The following ZNF169 variants were observed in gnomAD, a reference collection of about 807,000 sequenced individuals.
ZNF169 encodes zinc finger protein 169.
In ZNF169, 11 loss-of-function variants were observed where a neutral mutation model predicts 12.0. The ratio of observed to expected loss-of-function variants is 0.92; its 90% CI spans 0.58 to 1.52. ZNF169 has a LOEUF of 1.52. Ranked by LOEUF, ZNF169 falls within the 40% of genes most tolerant of loss-of-function variation. The pLI, the probability that ZNF169 is intolerant of heterozygous loss-of-function variation, is 0.00. For missense variants in ZNF169, 722 were observed against 744.0 expected (o/e 0.97, Z 0.34); for synonymous variants, 302 against 286.5 (o/e 1.05, Z -0.55).
At chr9:94,278,350 G>A (rs1369345471) in intron 1 of ZNF169, among the ~76,000 whole-genome samples, 1 of 152,166 alleles carries the variant, frequency 6.6e-6, no homozygotes, top group Non-Finnish European at 1.5e-5. Context: ...TCAAAACCAG[G>A]AACTTCTGCT....
chr9:94,263,123 T>C (rs1434727416), intron 1 of ZNF169, among the ~76,000 whole-genome samples: 2 of 150,678 alleles, frequency 1.3e-5, no homozygotes, highest in Non-Finnish European at 3.0e-5. Context: ...TGTTCAAATC[T>C]TGTATTTCCT....
intron 2 of ZNF169, among the ~76,000 whole-genome samples, chr9:94,279,596 C>T (rs542640539): frequency 3.0e-4 from 45 of 151,048 alleles, no homozygotes; most frequent in South Asian, 1.7e-3. Flanking sequence ...GCCGAGATTG[C>T]GCCATTGCAC....
At chr9:94,290,437 T>A (rs1011695198) in intron 2 of ZNF169, among the ~76,000 whole-genome samples, 10 of 152,062 alleles carry the variant, frequency 6.6e-5, no homozygotes, top group African/African-American at 2.4e-4. Context: ...GTAACCTCTG[T>A]TTTACTTTGT....
chr9:94,272,665 A>G (rs978324886), intron 1 of ZNF169, among the ~76,000 whole-genome samples: 14 of 152,012 alleles, frequency 9.2e-5, no homozygotes, highest in African/African-American at 3.4e-4. Context: ...GATAGACTAC[A>G]TTTTCTTTAT....
At chr9:94,287,664 A>C (rs1830743377) in intron 2 of ZNF169, 10 of 961,006 alleles carry the variant, frequency 1.0e-5, no homozygotes, top group South Asian at 9.2e-5. Context: ...GTGCCCGGCC[A>C]AAAATAGTTT....
chr9:94,274,231 G>A (rs890203191), intron 1 of ZNF169, among the ~76,000 whole-genome samples: 7 of 152,036 alleles, frequency 4.6e-5, no homozygotes, highest in Admixed American at 3.3e-4. Context: ...CCTCACCTCC[G>A]AAGACAGTGA....
chr9:94,272,228 G>C (rs1044331209), intron 1 of ZNF169, among the ~76,000 whole-genome samples: 2 of 151,704 alleles, frequency 1.3e-5, no homozygotes, highest in Non-Finnish European at 2.9e-5. Context: ...TTTTTCCTAG[G>C]GGTTTAGTAA....
intron 1 of ZNF169, among the ~76,000 whole-genome samples, chr9:94,276,147 A>G (rs1430101833): frequency 2.0e-5 from 3 of 152,166 alleles, no homozygotes; most frequent in Non-Finnish European, 4.4e-5. Context: ...TTTTTAACCT[A>G]AACTTAATAC....
intron 4 of ZNF169, among the ~76,000 whole-genome samples, chr9:94,296,040 A>C (rs1053647687): frequency 1.3e-5 from 2 of 152,158 alleles, no homozygotes; most frequent in East Asian, 3.8e-4. Flanking sequence ...ATTTGTCAAA[A>C]CTTGGCTTGG....
chr9:94,287,961 T>C, intron 2 of ZNF169: 1 of 821,838 alleles, frequency 1.2e-6, no homozygotes, highest in East Asian at 2.5e-5. Context: ...CTTGTTCACC[T>C]TCTAGTAAAT....
intron 2 of ZNF169, among the ~76,000 whole-genome samples, chr9:94,284,339 C>T (rs1446530709): frequency 6.6e-6 from 1 of 151,776 alleles, no homozygotes; most frequent in South Asian, 2.1e-4. Context: ...GCAGGAGAAT[C>T]GCTTGAACCT....
chr9:94,291,545 G>C (rs1039667371), intron 2 of ZNF169, among the ~76,000 whole-genome samples: 1 of 152,076 alleles, frequency 6.6e-6, no homozygotes, highest in African/African-American at 2.4e-5. Flanking sequence ...ATTTGCAGAG[G>C]ACATGATTGT....
intron 1 of ZNF169, among the ~76,000 whole-genome samples, chr9:94,270,925 TAAATA>T (rs1830405991): frequency 4.6e-5 from 1 of 21,676 alleles, no homozygotes; most frequent in Non-Finnish European, 7.5e-5. Flanking sequence ...ATATTATATA[TAAATA>T]ATATATAATA....
At chr9:94,264,386 G>T (rs938212889) in intron 1 of ZNF169, among the ~76,000 whole-genome samples, 12 of 152,116 alleles carry the variant, frequency 7.9e-5, no homozygotes, top group Admixed American at 5.9e-4. Flanking sequence ...GTCCACCTTG[G>T]CCCCCCAAAG....
At chr9:94,270,574 T>C (rs1830369991) in intron 1 of ZNF169, among the ~76,000 whole-genome samples, 1 of 137,180 alleles carries the variant, frequency 7.3e-6, no homozygotes, top group Non-Finnish European at 1.5e-5. Flanking sequence ...AGCCATTGAA[T>C]TTTTTCATAT....
rs1831072776 is a variant in ZNF169 at position 94,301,289 on chromosome 9, T to G, written c.1731T>G (p.Arg577=). ...EKPYVCRECG[R]GFSQKSHLHR... ...CGTATGTCTGCAGGGAGTGTGGGCG[T>G]GGCTTTAGCCAGAAGTCTCACTTGC... Residue 577 remains arginine, a synonymous_variant, in exon 5 of 5, where the codon CGT becomes CGG. Transcript: ENST00000395395. The G allele has an allele frequency of 6.2e-7, 1 of 1,614,072 alleles. No homozygotes were observed. The highest frequency in any genetic ancestry group is 1.7e-5 in the Admixed American group (1 of 60,010).
chr9:94,265,043 A>G (rs1221680760), intron 1 of ZNF169, among the ~76,000 whole-genome samples: 2 of 39,726 alleles, frequency 5.0e-5, no homozygotes, highest in African/African-American at 1.3e-4. Context: ...TTTTTTTTTA[A>G]TATCTCTTAG....
chr9:94,283,797 G>A (rs149100309), intron 2 of ZNF169, among the ~76,000 whole-genome samples: 3,953 of 152,080 alleles, frequency 0.026, 164 homozygotes, highest in African/African-American at 0.089. Context: ...GGCCGGGTGC[G>A]GTGGCTCACA....
intron 1 of ZNF169, among the ~76,000 whole-genome samples, chr9:94,268,448 G>A (rs1156675893): frequency 6.6e-6 from 1 of 152,066 alleles, no homozygotes; most frequent in African/African-American, 2.4e-5. Flanking sequence ...AGTGCTTTCT[G>A]TATAATTTTT....
Sources: allele counts gnomAD v4.1 joint callset (sites outside exome capture counted in the v4.1 genomes callset), GRCh38; gene constraint gnomAD v4.1.1; transcripts MANE v1.5; gene names NCBI Gene and HGNC (gene_info 2026-07-23, HGNC 2026-07-21).